Variants in CDH12 observed in about 807,000 individuals in gnomAD.
CDH12 encodes the protein cadherin-12.
CDH12 carries 41 observed loss-of-function variants against 74.1 expected under a neutral mutation model. The ratio of observed to expected loss-of-function variants is 0.55; its 90% confidence interval spans 0.43 to 0.72. CDH12 has a LOEUF of 0.72. Ranked by LOEUF, CDH12 falls within the 30% of genes least tolerant of loss-of-function variation. The pLI is 0.00. For synonymous variants in CDH12, 399 were observed against 355.0 expected (o/e 1.12, Z -1.39); for missense variants, 945 against 977.2 (o/e 0.97, Z 0.44).
chr5:22,637,377 C>T (rs751242865), intron 1 of CDH12, among the ~76,000 whole-genome samples: 13 of 152,200 alleles, frequency 8.5e-5, no homozygotes, highest in Non-Finnish European at 1.6e-4. Flanking sequence ...TATCCACTTC[C>T]CTTTCAGCAG....
At chr5:22,633,672 C>T (rs1047428147) in intron 1 of CDH12, among the ~76,000 whole-genome samples, 6 of 152,116 alleles carry the variant, frequency 3.9e-5, no homozygotes, top group African/African-American at 7.2e-5. Flanking sequence ...GTGATCTTCT[C>T]CTGCTCTGAG....
chr5:22,019,514 T>C (rs1191743788), intron 5 of CDH12, among the ~76,000 whole-genome samples: 1 of 152,150 alleles, frequency 6.6e-6, no homozygotes, highest in African/African-American at 2.4e-5. Context: ...AGGTGCAGCC[T>C]TCATGATGGA....
chr5:21,905,432 C>T (rs1753594873), intron 6 of CDH12, among the ~76,000 whole-genome samples: 1 of 152,158 alleles, frequency 6.6e-6, no homozygotes, highest in Non-Finnish European at 1.5e-5. Context: ...GTAAAACAGG[C>T]AAAAATGACT....
At chr5:22,307,121 A>G (rs989156533) in intron 3 of CDH12, among the ~76,000 whole-genome samples, 2 of 152,146 alleles carry the variant, frequency 1.3e-5, no homozygotes, top group African/African-American at 4.8e-5. Flanking sequence ...GGAAACTCTC[A>G]CAGCTCACCT....
chr5:22,020,550 G>A (rs1443258212), intron 5 of CDH12, among the ~76,000 whole-genome samples: 6 of 124,772 alleles, frequency 4.8e-5, no homozygotes, highest in African/African-American at 7.1e-5. Context: ...GTGAGACTTC[G>A]TTTCAAAAAA....
At chr5:21,824,363 A>C (rs1748543536) in intron 8 of CDH12, among the ~76,000 whole-genome samples, 1 of 152,082 alleles carries the variant, frequency 6.6e-6, no homozygotes, top group African/African-American at 2.4e-5. Context: ...TTTCTCTTGC[A>C]GCAGCCTCCA....
chr5:22,377,542 C>G (rs966368876), intron 3 of CDH12, among the ~76,000 whole-genome samples: 1 of 152,106 alleles, frequency 6.6e-6, no homozygotes, highest in African/African-American at 2.4e-5. Context: ...GAGCCTGACT[C>G]TTATTGAACC....
intron 4 of CDH12, among the ~76,000 whole-genome samples, chr5:22,172,691 G>C (rs1373340499): frequency 6.6e-6 from 1 of 151,768 alleles, no homozygotes; most frequent in African/African-American, 2.4e-5. Context: ...CTGTTGGGTA[G>C]ATGACTGTAT....
At chr5:22,565,448 A>G (rs1158215851) in intron 1 of CDH12, among the ~76,000 whole-genome samples, 1 of 152,178 alleles carries the variant, frequency 6.6e-6, no homozygotes, top group South Asian at 2.1e-4. Flanking sequence ...AACTCTCTCT[A>G]TATTTATATA....
chr5:22,631,056 A>G (rs1240672918), intron 1 of CDH12, among the ~76,000 whole-genome samples: 1 of 152,186 alleles, frequency 6.6e-6, no homozygotes, highest in African/African-American at 2.4e-5. Flanking sequence ...TTACTTAATT[A>G]GAGAAATGAA....
intron 4 of CDH12, among the ~76,000 whole-genome samples, chr5:22,153,578 T>C (rs1747759701): frequency 6.6e-6 from 1 of 151,320 alleles, no homozygotes; most frequent in South Asian, 2.1e-4. Flanking sequence ...AGGAAATTCC[T>C]TAAGCTCTGT....
intron 6 of CDH12, among the ~76,000 whole-genome samples, chr5:21,873,696 G>A (rs1220559855): frequency 2.0e-5 from 3 of 152,138 alleles, no homozygotes; most frequent in Admixed American, 6.5e-5. Context: ...ATAGGTAAAC[G>A]TGTGCCATGG....
intron 1 of CDH12, among the ~76,000 whole-genome samples, chr5:22,811,750 T>C (rs188391990): frequency 6.6e-6 from 1 of 152,232 alleles, no homozygotes. Context: ...GTAAACTTTC[T>C]GAAAGGGATA....
chr5:21,925,356 A>G (rs1286167693), intron 6 of CDH12, among the ~76,000 whole-genome samples: 1 of 152,210 alleles, frequency 6.6e-6, no homozygotes, highest in East Asian at 1.9e-4. Flanking sequence ...ATTTAAGTCA[A>G]TGAATAGAAA....
intron 1 of CDH12, among the ~76,000 whole-genome samples, chr5:22,785,513 G>A (rs911934541): frequency 3.3e-5 from 5 of 151,964 alleles, no homozygotes; most frequent in East Asian, 3.9e-4. Flanking sequence ...TGTTGTTGGT[G>A]GTTTTTTGTT....
intron 5 of CDH12, among the ~76,000 whole-genome samples, chr5:21,984,430 T>C (rs1253014190): frequency 6.6e-6 from 1 of 152,204 alleles, no homozygotes; most frequent in African/African-American, 2.4e-5. Context: ...GCAAATTTTA[T>C]GCCTTTTCTT....
chr5:22,408,666 C>A (rs1488202229), intron 2 of CDH12, among the ~76,000 whole-genome samples: 2 of 151,064 alleles, frequency 1.3e-5, no homozygotes, highest in African/African-American at 2.4e-5. Flanking sequence ...ATTGCATATG[C>A]ATTATGTGTG....
chr5:21,807,244 T>TC (rs1747480162), intron 9 of CDH12, among the ~76,000 whole-genome samples: 1 of 152,078 alleles, frequency 6.6e-6, no homozygotes, highest in East Asian at 1.9e-4. Context: ...TATGATGACA[T>TC]CCCCAACGAA....
chr5:22,480,240 C>CT (rs1333269163), intron 2 of CDH12, among the ~76,000 whole-genome samples: 5 of 150,894 alleles, frequency 3.3e-5, no homozygotes, highest in Admixed American at 2.6e-4. Flanking sequence ...TGGTTTTTGA[C>CT]TTTTTTTTTC....
Sources: gnomAD v4.1 joint callset for allele counts (sites outside exome capture counted in the v4.1 genomes callset) on GRCh38, gnomAD v4.1.1 for gene constraint, MANE v1.5 for transcripts, NCBI Gene and HGNC (gene_info 2026-07-23, HGNC 2026-07-21) for gene names.